NEK11: variants seen among roughly 807,000 people sequenced by gnomAD.
NEK11 encodes NIMA related kinase 11, also known as serine/threonine-protein kinase Nek11.
In NEK11, 72 loss-of-function variants were observed where a neutral mutation model predicts 80.7. The ratio of observed to expected loss-of-function variants is 0.89; its 90% CI spans 0.74 to 1.08. The LOEUF (loss-of-function observed/expected upper bound fraction) is 1.08, where lower values mean the gene tolerates loss of function less well. Among genes scored for constraint, NEK11 ranks in the 50% least tolerant of loss-of-function variants. The probability of loss-of-function intolerance (pLI) is 0.00; values close to 1 mark genes in which losing one functional copy is unlikely to be tolerated. For missense variants in NEK11, 764 were observed against 763.6 expected, an observed-to-expected ratio of 1.00 and a Z score of -0.01; for synonymous variants, 251 against 260.7, an observed-to-expected ratio of 0.96 and a Z score of 0.36.
intron 17 of NEK11, chr3:131,328,448 C>T (rs185704928): frequency 5.3e-5 from 8 of 152,246 alleles, no homozygotes; most frequent in Non-Finnish European, 2.9e-5. Context: ...CTTCAAGGGT[C>T]GCCAAGCCTA....
chr3:131,146,980 C>T (rs2088481925), intron 7 of NEK11, among the ~76,000 whole-genome samples: 1 of 151,952 alleles, frequency 6.6e-6, no homozygotes, highest in African/African-American at 2.4e-5. Context: ...CACTATGTGT[C>T]TTCCTTTTCA....
chr3:131,105,966 C>T (rs116334085), intron 4 of NEK11, among the ~76,000 whole-genome samples: 3,802 of 152,250 alleles, frequency 0.025, 60 homozygotes, highest in Middle Eastern at 0.054. Context: ...AAAAGCACAT[C>T]TTACCTATAT....
At chr3:131,127,027 G>T (rs1248128891) in intron 5 of NEK11, among the ~76,000 whole-genome samples, 1 of 138,706 alleles carries the variant, frequency 7.2e-6, no homozygotes, top group Non-Finnish European at 1.5e-5. Context: ...GTACAGTGGC[G>T]CGATCCTGGC....
intron 17 of NEK11, among the ~76,000 whole-genome samples, chr3:131,313,285 CA>C (rs2096799969): frequency 6.6e-6 from 1 of 152,150 alleles, no homozygotes; most frequent in Non-Finnish European, 1.5e-5. Context: ...TGAATATACA[CA>C]TGCATGTATC....
intron 7 of NEK11, among the ~76,000 whole-genome samples, chr3:131,138,655 C>A: frequency 6.6e-6 from 1 of 152,044 alleles, no homozygotes; most frequent in East Asian, 1.9e-4. Context: ...CTTGTGTCAC[C>A]CCACCCCCAG....
chr3:131,277,226 A>C (rs956042566), intron 17 of NEK11, among the ~76,000 whole-genome samples: 3 of 152,182 alleles, frequency 2.0e-5, no homozygotes, highest in Admixed American at 6.5e-5. Flanking sequence ...CCCATGACCA[A>C]TCTTGTTTTT....
intron 14 of NEK11, among the ~76,000 whole-genome samples, chr3:131,171,414 G>A (rs1041126200): frequency 6.6e-6 from 1 of 152,154 alleles, no homozygotes; most frequent in African/African-American, 2.4e-5. Flanking sequence ...CACAGCAAAC[G>A]AGTACACTTC....
At chr3:131,117,615 T>C (rs1287686201) in intron 5 of NEK11, among the ~76,000 whole-genome samples, 1 of 152,250 alleles carries the variant, frequency 6.6e-6, no homozygotes, top group Non-Finnish European at 1.5e-5. Flanking sequence ...GAGCATGGAA[T>C]GTTCTTCCAT....
At chr3:131,146,394 T>C (rs1418876175) in intron 7 of NEK11, among the ~76,000 whole-genome samples, 1 of 152,168 alleles carries the variant, frequency 6.6e-6, no homozygotes, top group Non-Finnish European at 1.5e-5. Context: ...TCTGACATGG[T>C]ACCTTTCTGG....
chr3:131,258,488 C>T (rs761053555), intron 16 of NEK11, among the ~76,000 whole-genome samples: 3 of 152,142 alleles, frequency 2.0e-5, no homozygotes, highest in Non-Finnish European at 4.4e-5. Flanking sequence ...TAATTAAACT[C>T]CCCAAACATT....
intron 3 of NEK11, among the ~76,000 whole-genome samples, chr3:131,069,990 C>G (rs1176081101): frequency 6.6e-6 from 1 of 151,810 alleles, no homozygotes; most frequent in African/African-American, 2.4e-5. Context: ...AAAAAAAATA[C>G]AAACCTGGAA....
chr3:131,271,584 C>T (rs542654359), intron 16 of NEK11, among the ~76,000 whole-genome samples: 78 of 152,094 alleles, frequency 5.1e-4, no homozygotes, highest in African/African-American at 1.8e-3. Flanking sequence ...CACCTCAGGT[C>T]AGGAGTTCGA....
At chr3:131,046,322 ATTTG>A (rs981145540) in intron 3 of NEK11, among the ~76,000 whole-genome samples, 10 of 152,070 alleles carry the variant, frequency 6.6e-5, no homozygotes, top group African/African-American at 2.4e-4. Context: ...TTCTCTCAGT[ATTTG>A]TTTGTCTGAA....
chr3:131,162,345 T>G, intron 10 of NEK11, 63 bp from the exon 11 acceptor site: 1 of 1,571,696 alleles, frequency 6.4e-7, no homozygotes, highest in Admixed American at 1.9e-5. Flanking sequence ...TATAAAATAT[T>G]TGTTTAATTT....
intron 16 of NEK11, among the ~76,000 whole-genome samples, chr3:131,247,252 G>A (rs1049424994): frequency 6.6e-6 from 1 of 152,070 alleles, no homozygotes; most frequent in Non-Finnish European, 1.5e-5. Context: ...TATGGTTTCG[G>A]TCTTACATTT....
chr3:131,070,310 G>T (rs1177763822), intron 3 of NEK11, among the ~76,000 whole-genome samples: 4 of 152,124 alleles, frequency 2.6e-5, no homozygotes, highest in Non-Finnish European at 5.9e-5. Flanking sequence ...TTAAATCAAT[G>T]AATTTTGCTC....
chr3:131,175,493 C>A (rs1311436768), intron 14 of NEK11, among the ~76,000 whole-genome samples: 1 of 152,110 alleles, frequency 6.6e-6, no homozygotes, highest in Non-Finnish European at 1.5e-5. Flanking sequence ...AGAAGCCACA[C>A]GTAAAAGAGT....
intron 14 of NEK11, among the ~76,000 whole-genome samples, chr3:131,183,249 T>C (rs1405772625): frequency 2.6e-5 from 4 of 152,242 alleles, no homozygotes; most frequent in African/African-American, 9.6e-5. Context: ...CTGACTATGC[T>C]AACATGTTCA....
intron 14 of NEK11, among the ~76,000 whole-genome samples, chr3:131,199,376 T>A (rs1299556759): frequency 6.6e-6 from 1 of 152,022 alleles, no homozygotes; most frequent in East Asian, 1.9e-4. Context: ...AAAACTATAA[T>A]ATATCACAGT....
Sources: allele counts gnomAD v4.1 joint callset (sites outside exome capture counted in the v4.1 genomes callset), GRCh38; gene constraint gnomAD v4.1.1; transcripts MANE v1.5; gene names NCBI Gene and HGNC (gene_info 2026-07-23, HGNC 2026-07-21).